MRPS10: variants seen among roughly 807,000 people sequenced by gnomAD.
MRPS10 encodes mitochondrial ribosomal protein S10.
A neutral mutation model predicts 27.5 loss-of-function variants in MRPS10; 23 were observed. The ratio of observed to expected loss-of-function variants is 0.84; its 90% confidence interval spans 0.60 to 1.18. MRPS10 has a LOEUF of 1.18. MRPS10 is among the 50% of genes most tolerant of loss of function. MRPS10 has a pLI of 0.00. For synonymous variants in MRPS10, 88 were observed against 84.2 expected, an observed-to-expected ratio of 1.04 and a Z score of -0.25; for missense variants, 237 against 240.1, an observed-to-expected ratio of 0.99 and a Z score of 0.09.
intron 3 of MRPS10, among the ~76,000 whole-genome samples, chr6:42,213,153 A>G (rs1332039233): frequency 6.6e-6 from 1 of 152,242 alleles, no homozygotes; most frequent in Non-Finnish European, 1.5e-5. Context: ...TATCATAGAA[A>G]TACATCCAGT....
At chr6:42,212,153 C>T (rs1290481579) in intron 3 of MRPS10, among the ~76,000 whole-genome samples, 2 of 152,184 alleles carry the variant, frequency 1.3e-5, no homozygotes, top group African/African-American at 2.4e-5. Context: ...AGGCAACCCA[C>T]AAAATTACTA....
intron 1 of MRPS10, among the ~76,000 whole-genome samples, 198 bp downstream of exon 1, chr6:42,217,604 C>T (rs1017675732): frequency 6.6e-6 from 1 of 152,192 alleles, no homozygotes; most frequent in Non-Finnish European, 1.5e-5. Context: ...CTATCTTTGC[C>T]TGGACTCACT....
Position 42,208,100 on chromosome 6 carries a change from A to C in MRPS10, c.*189T>G. The C allele has an allele frequency of 1.7e-6, 1 of 593,454 alleles. No homozygotes were observed. The highest frequency in any genetic ancestry group is 3.0e-5 in the East Asian group (1 of 32,966). 36.8% of individuals were successfully genotyped at this position (593,454 alleles called of 1,614,324 possible). The stretch of plus-strand genomic sequence containing the variant: ...GAAATCAGAACTGAAACAATGAATA[A>C]AAAGAATAGATAAAAGTGGTTCTTC... On this transcript the variant is annotated 3_prime_UTR_variant, in exon 7 of 7. Coordinates refer to ENST00000053468, the MANE Select transcript of MRPS10 (RefSeq NM_018141.4).
At chr6:42,216,648 T>C (rs1768950362) in intron 1 of MRPS10, among the ~76,000 whole-genome samples, 1 of 151,408 alleles carries the variant, frequency 6.6e-6, no homozygotes, top group South Asian at 2.1e-4. Context: ...CCGTCTCTGC[T>C]AAACATACAA....
intron 2 of MRPS10, 22 bp from the exon 3 acceptor site, chr6:42,214,214 G>A (rs1562073819): frequency 1.2e-6 from 2 of 1,609,664 alleles, no homozygotes; most frequent in Non-Finnish European, 1.7e-6. Context: ...GAAAAAAAGA[G>A]AAACCTAAGT....
At chr6:42,208,999 G>C in intron 5 of MRPS10, 52 bp from the exon 6 acceptor site, 1 of 1,060,270 alleles carries the variant, frequency 9.4e-7, no homozygotes, top group South Asian at 1.4e-5. Flanking sequence ...TTAAAGCACG[G>C]TTTTTTGTTT....
chr6:42,208,737 T>A lies in MRPS10; in HGVS notation c.522+121A>T, dbSNP rs1157145968. On this transcript the variant is annotated intron_variant, in intron 6 of 6. Transcript: ENST00000053468. ...CGCTGTGGCAACTGTGTCTCCCAGTTTGCCACAGTTTAGGGCAAACTCTAC... is the reference window on the plus strand; with the variant it reads ...CGCTGTGGCAACTGTGTCTCCCAGTATGCCACAGTTTAGGGCAAACTCTAC... 11 of 678,886 alleles carry A rather than the reference T, an allele frequency of 1.6e-5. No individual in the cohort carries two copies. In the African/African-American group the frequency reaches 2.1e-4, roughly 13 times the overall value. The allele number at this position is 678,886 out of a possible 1,614,324, so 42.1% of individuals were successfully genotyped here.
At position 42,209,003 on chromosome 6, in the gene MRPS10, TTTG is replaced by T. The variant is rs1292546705; in HGVS notation, c.433-59_433-57del. On this transcript the variant is annotated intron_variant, in intron 5 of 6. Coordinates refer to ENST00000053468, the MANE Select transcript of MRPS10 (RefSeq NM_018141.4). ...TAAGCTGTTTGTTAAAGCACGGTTTTTTGTTTTTTTTTTTGAGATGGAGTCTCA... is the reference window on the plus strand; with the variant it reads ...TAAGCTGTTTGTTAAAGCACGGTTTTTTTTTTTTTTTGAGATGGAGTCTCA... 135 of 1,174,464 alleles carry T rather than the reference TTTG, an allele frequency of 1.1e-4. 3 individuals carry two copies. Among genetic ancestry groups the T allele is most frequent in the Admixed American group, 2.6e-4 (11 of 42,812 alleles). 72.8% of individuals were successfully genotyped at this position (1,174,464 alleles called of 1,614,324 possible). A position where few individuals can be genotyped will look rare whatever the true frequency, so the allele number is the denominator to read the frequency against.
In MRPS10 at chr6:42,208,345, T is replaced by C. The variant is rs140242341; in HGVS notation, c.550A>G (p.Ile184Val). Residue 184 changes from isoleucine (I) to valine (V), a missense_variant, in exon 7 of 7, where the codon ATC becomes GTC. Transcript: ENST00000053468. ...AGTGTTTCCCAGATTGGCTCCTTGA[T>C]GTGTTCTGGTAACTGTTCTAATTGT... Reference protein sequence around the residue: ...KTQLEQLPEHIKEPIWETLSE... With the variant: ...KTQLEQLPEHVKEPIWETLSE... 7.4e-6 allele frequency: 12 copies of C among 1,611,706 alleles called. No homozygotes were observed. Among genetic ancestry groups the C allele is most frequent in the Non-Finnish European group, 9.3e-6 (11 of 1,178,354 alleles).
chr6:42,212,512 A>G (rs947032218), intron 3 of MRPS10, among the ~76,000 whole-genome samples: 1 of 152,202 alleles, frequency 6.6e-6, no homozygotes, highest in Non-Finnish European at 1.5e-5. Context: ...CTGCCCTAAT[A>G]AACAAATTAC....
At chr6:42,210,758 C>T (rs1366208415) in intron 4 of MRPS10, among the ~76,000 whole-genome samples, 162 bp from the exon 5 acceptor site, 1 of 152,234 alleles carries the variant, frequency 6.6e-6, no homozygotes, top group African/African-American at 2.4e-5. Context: ...TATCATAAAA[C>T]TCAAGCCAAA....
chr6:42,208,067 T>C lies in MRPS10; in HGVS notation c.*222A>G. ...GCTTTCAGTCAAAGTGGTTTGCTCA[T>C]GTTTGCTGAAATCAGAACTGAAACA... is the stretch of plus-strand genomic sequence containing the variant. On this transcript the variant is annotated 3_prime_UTR_variant, in exon 7 of 7. Transcript: ENST00000053468. 1 of 537,992 alleles carries C rather than the reference T, an allele frequency of 1.9e-6. No individual in the cohort carries two copies. Among genetic ancestry groups the C allele is most frequent in the Admixed American group, 3.8e-5 (1 of 26,294 alleles). 33.3% of individuals were successfully genotyped at this position (537,992 alleles called of 1,614,324 possible). A position where few individuals can be genotyped will look rare whatever the true frequency, so the allele number is the denominator to read the frequency against.
At chr6:42,209,188 G>A (rs1365895964) in intron 5 of MRPS10, among the ~76,000 whole-genome samples, 1 of 136,226 alleles carries the variant, frequency 7.3e-6, no homozygotes, top group African/African-American at 2.5e-5. Flanking sequence ...AGTAGAGACG[G>A]GGTTTCATCA....
intron 1 of MRPS10, 76 bp from the exon 2 acceptor site, chr6:42,214,420 T>G: frequency 8.5e-7 from 1 of 1,180,744 alleles, no homozygotes; most frequent in Non-Finnish European, 1.2e-6. Context: ...CACTAAAAAC[T>G]AAAAGGTTAC....
intron 3 of MRPS10, 57 bp from the exon 4 acceptor site, chr6:42,211,974 A>G: frequency 6.6e-7 from 1 of 1,507,962 alleles, no homozygotes; most frequent in Non-Finnish European, 9.1e-7. Context: ...TAACTAGCAA[A>G]TTTAAAACAT....
intron 1 of MRPS10, among the ~76,000 whole-genome samples, chr6:42,217,467 T>A (rs1768974167): frequency 1.3e-5 from 2 of 152,200 alleles, no homozygotes; most frequent in African/African-American, 4.8e-5. Context: ...AGCCTCTAAT[T>A]TTCGCGAGGC....
chr6:42,217,835 T>A lies in MRPS10; in HGVS notation c.15A>T (p.Thr5=), dbSNP rs140899247. The A allele has an allele frequency of 1.9e-6, 3 of 1,614,158 alleles. No individual in the cohort carries two copies. The Admixed American group carries it at 5.0e-5, about 27-fold the overall frequency. Residue 5 remains threonine, a synonymous_variant, in exon 1 of 7, where the codon ACA becomes ACT. Coordinates refer to ENST00000053468, the MANE Select transcript of MRPS10 (RefSeq NM_018141.4). The part of the protein sequence containing the change: MAAR[T]AFGAVCRRLW... ...GGCGCCGGCACACAGCACCGAACGC[T>A]GTCCGCGCCGCCATCTTGCCGGTCC...
intron 6 of MRPS10, 119 bp downstream of exon 6, chr6:42,208,739 G>T: frequency 1.5e-6 from 1 of 688,922 alleles, no homozygotes. Context: ...CTCCCAGTTT[G>T]CCACAGTTTA....
intron 1 of MRPS10, among the ~76,000 whole-genome samples, chr6:42,217,545 G>A (rs1007604582): frequency 1.3e-5 from 2 of 152,176 alleles, no homozygotes; most frequent in African/African-American, 4.8e-5. Context: ...TGGAACATAC[G>A]AAGTACAAAA....
Sources: gnomAD v4.1 joint callset for allele counts (sites outside exome capture counted in the v4.1 genomes callset) on GRCh38, gnomAD v4.1.1 for gene constraint, MANE v1.5 for transcripts, NCBI Gene and HGNC (gene_info 2026-07-23, HGNC 2026-07-21) for gene names.